The following EPAS1 variants were observed in gnomAD, a reference collection of about 807,000 sequenced individuals.
The protein encoded by EPAS1 is endothelial PAS domain-containing protein 1.
Under a neutral mutation model 87.9 loss-of-function variants are expected in EPAS1, and 23 were observed. The observed-to-expected ratio is 0.26, with a 90% CI of 0.19 to 0.37. The LOEUF is 0.37. EPAS1 is among the 10% of genes least tolerant of loss of function. The pLI, the probability that EPAS1 is intolerant of heterozygous loss-of-function variation, is 1.00. For missense variants in EPAS1, 1,138 were observed against 1,120.7 expected, an observed-to-expected ratio of 1.02 and a Z score of -0.22; for synonymous variants, 508 against 444.3, an observed-to-expected ratio of 1.14 and a Z score of -1.80.
chr2:46,321,366 G>GT (rs1408391565), intron 1 of EPAS1, among the ~76,000 whole-genome samples: 2 of 152,064 alleles, frequency 1.3e-5, no homozygotes, highest in Non-Finnish European at 2.9e-5. Context: ...CCTGCTTTCA[G>GT]TTTTTTTGGA....
intron 1 of EPAS1, among the ~76,000 whole-genome samples, chr2:46,307,164 G>A (rs949941631): frequency 1.3e-5 from 2 of 152,210 alleles, no homozygotes; most frequent in Non-Finnish European, 2.9e-5. Context: ...TGCTATTTTC[G>A]AATGGCAGCG....
chr2:46,376,450 G>A, intron 8 of EPAS1, 89 bp from the exon 9 acceptor site: 2 of 1,313,266 alleles, frequency 1.5e-6, no homozygotes, highest in South Asian at 2.4e-5. Flanking sequence ...TTGTCGGAGA[G>A]CTTAGCTATG....
intron 6 of EPAS1, among the ~76,000 whole-genome samples, chr2:46,366,555 A>G (rs909208564): frequency 3.3e-5 from 5 of 152,160 alleles, no homozygotes; most frequent in Admixed American, 6.5e-5. Context: ...TGACTTTATT[A>G]TTAAAAAGTA....
intron 1 of EPAS1, among the ~76,000 whole-genome samples, chr2:46,303,672 G>A (rs1027330177): frequency 6.6e-6 from 1 of 152,122 alleles, no homozygotes; most frequent in South Asian, 2.1e-4. Flanking sequence ...ATGTGTGCAA[G>A]ACATTATGTA....
intron 4 of EPAS1, among the ~76,000 whole-genome samples, chr2:46,357,945 T>A (rs751244794): frequency 3.9e-5 from 6 of 152,230 alleles, no homozygotes; most frequent in Non-Finnish European, 7.3e-5. Flanking sequence ...AATTGGGGCT[T>A]AATGACTGTC....
rs1684062899 is a variant in EPAS1 at position 46,347,711 on chromosome 2, A to G, written c.217+648A>G. Among the ~76,000 whole-genome samples, 1 of 151,968 alleles carries G rather than the reference A, an allele frequency of 6.6e-6. No individual in the cohort carries two copies. Among genetic ancestry groups the G allele is most frequent in the Admixed American group, 6.6e-5 (1 of 15,262 alleles). ...AATAACTGGTTCTCCCCTCCCTAGC[A>G]CCTCTGCAACTCCAAAGTTCACAAG... On this transcript the variant is annotated intron_variant, in intron 2 of 15. Coordinates refer to ENST00000263734, the MANE Select transcript of EPAS1 (RefSeq NM_001430.5). This position sits in a 1 kb window ranked among gnomAD's most constrained non-coding sequence, Gnocchi z 4.2.
intron 1 of EPAS1, among the ~76,000 whole-genome samples, chr2:46,310,651 C>A (rs1683191879): frequency 6.6e-6 from 1 of 152,192 alleles, no homozygotes; most frequent in Non-Finnish European, 1.5e-5. Context: ...TGTAACCTTT[C>A]CCCTGGAGGA....
chr2:46,337,778 G>A (rs1028443705), intron 1 of EPAS1, among the ~76,000 whole-genome samples: 8 of 152,152 alleles, frequency 5.3e-5, no homozygotes, highest in Non-Finnish European at 1.2e-4. Flanking sequence ...GCCCAGAGAG[G>A]TGGCACCAAA....
Position 46,371,205 on chromosome 2 carries a change from G to A in EPAS1, c.886+1272G>A, listed in dbSNP as rs576965116. Among the ~76,000 whole-genome samples, 13 of 152,226 alleles carry A rather than the reference G, an allele frequency of 8.5e-5. No individual in the cohort carries two copies. In the East Asian group the frequency reaches 1.2e-3, roughly 14 times the overall value. On this transcript the variant is annotated intron_variant, in intron 7 of 15. Coordinates refer to ENST00000263734, the MANE Select transcript of EPAS1 (RefSeq NM_001430.5). The surrounding 1 kb of genome is among the most constrained non-coding windows in gnomAD (Gnocchi z 4.3). ...TGGCCCTGCTGGCAATGGAGAAAACGGAAGGGCAGCCATTTGTCCATGGCT... is the reference window on the plus strand; with the variant it reads ...TGGCCCTGCTGGCAATGGAGAAAACAGAAGGGCAGCCATTTGTCCATGGCT...
intron 1 of EPAS1, among the ~76,000 whole-genome samples, chr2:46,322,178 C>T (rs1331907497): frequency 2.6e-5 from 4 of 152,150 alleles, no homozygotes; most frequent in Non-Finnish European, 4.4e-5. Context: ...GTCTTTGAAC[C>T]GCTGCACTAG....
intron 1 of EPAS1, among the ~76,000 whole-genome samples, chr2:46,312,452 C>G (rs538929278): frequency 6.6e-6 from 1 of 152,156 alleles, no homozygotes; most frequent in South Asian, 2.1e-4. Context: ...TTCATAAAAC[C>G]ATGCATTTTT....
intron 1 of EPAS1, among the ~76,000 whole-genome samples, chr2:46,302,588 A>T (rs1683029650): frequency 6.6e-6 from 1 of 152,156 alleles, no homozygotes; most frequent in Non-Finnish European, 1.5e-5. Context: ...CATGATGGAC[A>T]CCAGCTCTGA....
At chr2:46,377,291 G>C (rs577046016) in intron 9 of EPAS1, among the ~76,000 whole-genome samples, 47 of 152,340 alleles carry the variant, frequency 3.1e-4, no homozygotes, top group African/African-American at 1.1e-3. Context: ...GTAAGTCACT[G>C]GGGACCCCGG....
intron 1 of EPAS1, among the ~76,000 whole-genome samples, chr2:46,312,619 G>A (rs1487798301): frequency 1.3e-5 from 2 of 152,178 alleles, no homozygotes; most frequent in African/African-American, 4.8e-5. Context: ...GGCTGCAGTT[G>A]GAAGGCAGCC....
intron 2 of EPAS1, among the ~76,000 whole-genome samples, chr2:46,353,163 T>G (rs537582416): frequency 1.3e-5 from 2 of 152,266 alleles, no homozygotes; most frequent in South Asian, 4.2e-4. Flanking sequence ...CTGGTGTGAT[T>G]GAAGTGGCGC....
chr2:46,326,341 G>A (rs1310604896), intron 1 of EPAS1, among the ~76,000 whole-genome samples: 1 of 152,144 alleles, frequency 6.6e-6, no homozygotes, highest in African/African-American at 2.4e-5. Context: ...ATGGGCGCCA[G>A]GATGCAGTCT....
intron 1 of EPAS1, among the ~76,000 whole-genome samples, chr2:46,315,207 C>T (rs1683288435): frequency 6.6e-6 from 1 of 152,106 alleles, no homozygotes; most frequent in Non-Finnish European, 1.5e-5. Context: ...TGTGAGGCAA[C>T]CCATGCAGGC....
At position 46,375,888 on chromosome 2, in the gene EPAS1, C is replaced by T; in HGVS notation, c.1034+51C>T. 6 of 1,612,450 alleles carry T rather than the reference C, an allele frequency of 3.7e-6. No individual in the cohort carries two copies. Among genetic ancestry groups the T allele is most frequent in the Non-Finnish European group, 5.1e-6 (6 of 1,179,228 alleles). The stretch of plus-strand genomic sequence containing the variant: ...TTGGTGCAGGGTATGTGGGGGTGCC[C>T]AAGCTTCCCAGACTCAGGATGACAG... On this transcript the variant is annotated intron_variant, in intron 8 of 15. Transcript: ENST00000263734. This position sits in a 1 kb window ranked among gnomAD's most constrained non-coding sequence, Gnocchi z 4.1.
chr2:46,332,044 G>C (rs982759827), intron 1 of EPAS1, among the ~76,000 whole-genome samples: 1 of 152,222 alleles, frequency 6.6e-6, no homozygotes, highest in Non-Finnish European at 1.5e-5. Context: ...AGGCCGGCCT[G>C]CCATGGTGTC....
Sources: allele counts gnomAD v4.1 joint callset (sites outside exome capture counted in the v4.1 genomes callset), GRCh38; gene constraint gnomAD v4.1.1; non-coding constraint Gnocchi (gnomAD v3.1); transcripts MANE v1.5; gene names NCBI Gene and HGNC (gene_info 2026-07-23, HGNC 2026-07-21).